Variants in GABRB2 observed in about 807,000 individuals in gnomAD.
The protein encoded by GABRB2 is gamma-aminobutyric acid receptor subunit beta-2.
GABRB2 carries 16 observed loss-of-function variants against 54.7 expected under a neutral mutation model. The observed-to-expected ratio is 0.29, with a 90% CI of 0.20 to 0.44. The LOEUF (loss-of-function observed/expected upper bound fraction) is 0.44. GABRB2 is among the 20% of genes least tolerant of loss of function. The pLI is 1.00. For synonymous variants in GABRB2, 244 were observed against 233.8 expected (o/e 1.04, Z -0.40); for missense variants, 355 against 644.0 (o/e 0.55, Z 4.86).
intron 5 of GABRB2, among the ~76,000 whole-genome samples, chr5:161,360,538 T>C (rs1754779868): frequency 1.3e-5 from 2 of 152,196 alleles, no homozygotes; most frequent in African/African-American, 2.4e-5. Context: ...CAATTTATTA[T>C]TTTAAAAACT....
intron 3 of GABRB2, among the ~76,000 whole-genome samples, chr5:161,527,484 C>T (rs4921397): frequency 3.3e-5 from 5 of 151,012 alleles, no homozygotes; most frequent in Non-Finnish European, 5.9e-5. Context: ...TAAGAAATAA[C>T]CCTATTTTGG....
At chr5:161,365,539 T>G (rs1754947519) in intron 5 of GABRB2, among the ~76,000 whole-genome samples, 1 of 152,222 alleles carries the variant, frequency 6.6e-6, no homozygotes, top group Non-Finnish European at 1.5e-5. Context: ...GAAATTATCA[T>G]ATCTGACTTC....
intron 3 of GABRB2, among the ~76,000 whole-genome samples, chr5:161,461,176 C>T (rs1486664239): frequency 1.3e-5 from 2 of 152,132 alleles, no homozygotes; most frequent in African/African-American, 4.8e-5. Context: ...AAATGAGAAT[C>T]CTAATCAGTC....
At chr5:161,376,791 G>T (rs996294500) in intron 5 of GABRB2, among the ~76,000 whole-genome samples, 3 of 152,054 alleles carry the variant, frequency 2.0e-5, no homozygotes, top group Admixed American at 1.3e-4. Context: ...TGTAATTATG[G>T]TAAATTCCAC....
chr5:161,522,702 G>A (rs1202158057), intron 3 of GABRB2, among the ~76,000 whole-genome samples: 2 of 151,340 alleles, frequency 1.3e-5, no homozygotes, highest in Admixed American at 6.6e-5. Flanking sequence ...AAACAACAAC[G>A]AAAAGAGACA....
intron 3 of GABRB2, among the ~76,000 whole-genome samples, chr5:161,471,865 T>C (rs1373341381): frequency 6.6e-6 from 1 of 151,992 alleles, no homozygotes; most frequent in East Asian, 1.9e-4. Flanking sequence ...TTAGAGTATT[T>C]TCTCTTCTAA....
chr5:161,315,775 T>C (rs543439332), intron 9 of GABRB2, among the ~76,000 whole-genome samples: 1 of 152,322 alleles, frequency 6.6e-6, no homozygotes, highest in Admixed American at 6.5e-5. Context: ...ACATGTATCA[T>C]TTCCTTGTGT....
chr5:161,384,444 C>T (rs1020686423), intron 5 of GABRB2, among the ~76,000 whole-genome samples: 3 of 152,112 alleles, frequency 2.0e-5, no homozygotes, highest in Non-Finnish European at 4.4e-5. Flanking sequence ...TAGGTTAAGA[C>T]AGAAAAGTGG....
intron 3 of GABRB2, among the ~76,000 whole-genome samples, chr5:161,491,315 CA>C (rs988689008): frequency 2.3e-4 from 35 of 151,716 alleles, no homozygotes; most frequent in African/African-American, 7.2e-4. Flanking sequence ...AGATTTAAGT[CA>C]ATGGCTCATG....
chr5:161,546,802 T>TAA (rs56867928), upstream of GABRB2: 893 of 1,210,908 alleles, frequency 7.4e-4, no homozygotes, highest in African/African-American at 2.0e-3. Context: ...TTTCCTTGTT[T>TAA]AAAAAAAAAA....
In GABRB2 at chr5:161,354,841, T is replaced by G. The variant is rs1469814461; in HGVS notation, c.542-18072A>C. On this transcript the variant is annotated intron_variant, in intron 5 of 9. Coordinates refer to ENST00000393959, the MANE Select transcript of GABRB2 (RefSeq NM_001371727.1). ...TACTTTTGTAATTAAAAGTAATTAC[T>G]TTTTGCAATTGCTTTTAGTTGCAAA... Among the ~76,000 whole-genome samples, 6 of 152,102 alleles carry G rather than the reference T, an allele frequency of 3.9e-5. No individual in the cohort carries two copies. In the East Asian group the frequency reaches 1.2e-3, roughly 29 times the overall value.
intron 3 of GABRB2, among the ~76,000 whole-genome samples, chr5:161,467,103 T>C (rs1372709700): frequency 6.6e-6 from 1 of 152,032 alleles, no homozygotes; most frequent in Non-Finnish European, 1.5e-5. Context: ...GCTTTGTCCA[T>C]TAGAACTACA....
intron 5 of GABRB2, among the ~76,000 whole-genome samples, chr5:161,351,941 A>G (rs553130725): frequency 4.8e-4 from 73 of 152,256 alleles, no homozygotes; most frequent in Middle Eastern, 3.4e-3. Context: ...GCAAACAGGT[A>G]TATAAAAATA....
rs1188301011 is a variant in GABRB2, at chr5:161,290,618, ATATG to A, written c.*3459_*3462del. The stretch of plus-strand genomic sequence containing the variant: ...TGTTTTCCAACATATGAATGCATAT[ATATG>A]TATGTATGTTTATATGAATCTATAT... On this transcript the variant is annotated 3_prime_UTR_variant, in exon 10 of 10. Coordinates refer to ENST00000393959, the MANE Select transcript of GABRB2 (RefSeq NM_001371727.1). 9 of 152,576 alleles carry A rather than the reference ATATG, an allele frequency of 5.9e-5. No homozygotes were observed. Among genetic ancestry groups the A allele is most frequent in the Non-Finnish European group, 1.3e-4 (9 of 68,000 alleles). 9.5% of individuals were successfully genotyped at this position (152,576 alleles called of 1,614,324 possible).
chr5:161,370,027 A>C (rs967255755), intron 5 of GABRB2, among the ~76,000 whole-genome samples: 13 of 152,130 alleles, frequency 8.5e-5, no homozygotes, highest in African/African-American at 2.2e-4. Flanking sequence ...CTAAGTTATC[A>C]TCTCAGTGAT....
intron 5 of GABRB2, among the ~76,000 whole-genome samples, chr5:161,401,744 A>G (rs1756198476): frequency 6.6e-6 from 1 of 152,184 alleles, no homozygotes; most frequent in Admixed American, 6.6e-5. Context: ...TTAAGTAGAA[A>G]ATTTCCTATG....
chr5:161,417,068 A>G (rs1429042893), intron 4 of GABRB2, among the ~76,000 whole-genome samples: 1 of 152,188 alleles, frequency 6.6e-6, no homozygotes, highest in Non-Finnish European at 1.5e-5. Context: ...CTTTTCCTCC[A>G]ACGTCACTTC....
At chr5:161,336,880 T>G in intron 5 of GABRB2, 111 bp from the exon 6 acceptor site, 1 of 1,120,232 alleles carries the variant, frequency 8.9e-7, no homozygotes. Context: ...ATAAATAATA[T>G]AAAGATATAG....
chr5:161,337,505 A>G lies in GABRB2; in HGVS notation c.542-736T>C, dbSNP rs973015130. Among the ~76,000 whole-genome samples, 61 of 152,280 alleles carry G rather than the reference A, an allele frequency of 4.0e-4. 1 individual carries two copies. The highest frequency in any genetic ancestry group is 1.4e-3 in the African/African-American group (60 of 41,574). ...CAGTGCATTTTGGAGGCATGCTTCC[A>G]TTCATTCCACAACTATTTATTAAAC... On this transcript the variant is annotated intron_variant, in intron 5 of 9. Transcript: ENST00000393959.
Sources: allele counts gnomAD v4.1 joint callset (sites outside exome capture counted in the v4.1 genomes callset), GRCh38; gene constraint gnomAD v4.1.1; transcripts MANE v1.5; gene names NCBI Gene and HGNC (gene_info 2026-07-23, HGNC 2026-07-21).